KCNK3: variants seen among roughly 807,000 people sequenced by gnomAD.
KCNK3 encodes potassium channel subfamily K member 3.
Under a neutral mutation model 27.3 loss-of-function variants are expected in KCNK3, and 9 were observed. The observed-to-expected ratio is 0.33, with a 90% CI of 0.20 to 0.57. The LOEUF (loss-of-function observed/expected upper bound fraction) is 0.57. Among genes scored for constraint, KCNK3 ranks in the 20% least tolerant of loss-of-function variants. The probability of loss-of-function intolerance (pLI) is 0.87; values close to 1 mark genes in which losing one functional copy is unlikely to be tolerated. For missense variants in KCNK3, 391 were observed against 577.7 expected (o/e 0.68, Z 3.31); for synonymous variants, 278 against 273.8 (o/e 1.02, Z -0.15).
At chr2:26,703,394 G>A (rs181640777) in intron 1 of KCNK3, among the ~76,000 whole-genome samples, 67 of 152,234 alleles carry the variant, frequency 4.4e-4, no homozygotes, top group African/African-American at 1.6e-3. Flanking sequence ...CATCAAAAAG[G>A]CCATCACACC....
At chr2:26,710,393 G>A (rs534455324) in intron 1 of KCNK3, among the ~76,000 whole-genome samples, 1 of 152,314 alleles carries the variant, frequency 6.6e-6, no homozygotes, top group East Asian at 1.9e-4. Flanking sequence ...TTCTCGAGAA[G>A]GGTGCAGATG....
At chr2:26,715,605 G>A (rs1446221898) in intron 1 of KCNK3, among the ~76,000 whole-genome samples, 1 of 152,220 alleles carries the variant, frequency 6.6e-6, no homozygotes, top group Admixed American at 6.5e-5. Context: ...ATTCCCAAAT[G>A]TTCTGGCTTG....
chr2:26,720,112 G>A (rs753114341), intron 1 of KCNK3, among the ~76,000 whole-genome samples: 11 of 152,122 alleles, frequency 7.2e-5, no homozygotes, highest in Non-Finnish European at 1.3e-4. Flanking sequence ...AAAATTAGCC[G>A]GATGTGGTGG....
intron 1 of KCNK3, among the ~76,000 whole-genome samples, chr2:26,706,909 T>C (rs1485667784): frequency 6.6e-6 from 1 of 152,130 alleles, no homozygotes; most frequent in Non-Finnish European, 1.5e-5. Flanking sequence ...CCCCTGGCCT[T>C]GTCTGTGAGG....
intron 1 of KCNK3, among the ~76,000 whole-genome samples, chr2:26,712,676 T>A (rs1450026937): frequency 1.3e-5 from 2 of 151,538 alleles, no homozygotes; most frequent in Non-Finnish European, 2.9e-5. Flanking sequence ...AGTGTGTGTG[T>A]GTGTGTGTGT....
At chr2:26,713,889 C>A (rs1267175959) in intron 1 of KCNK3, among the ~76,000 whole-genome samples, 1 of 151,524 alleles carries the variant, frequency 6.6e-6, no homozygotes, top group Non-Finnish European at 1.5e-5. Context: ...CAGCCTGGCC[C>A]ACGTGGTGAA....
chr2:26,726,576 C>T lies in KCNK3; in HGVS notation c.284-1091C>T, dbSNP rs1030024290. Among the ~76,000 whole-genome samples the T allele has an allele frequency of 2.0e-5, 3 of 152,154 alleles. No homozygotes were observed. The East Asian group carries it at 5.8e-4, about 29-fold the overall frequency. On this transcript the variant is annotated intron_variant, in intron 1 of 1. Coordinates refer to ENST00000302909, the MANE Select transcript of KCNK3 (RefSeq NM_002246.3). ...AAAGAAGCAGGCCAGCACCAGTAAACACACTTTACAAATGAAGAAACATGT... is the reference window on the plus strand; with the variant it reads ...AAAGAAGCAGGCCAGCACCAGTAAATACACTTTACAAATGAAGAAACATGT...
Position 26,721,519 on chromosome 2 carries a change from T to C in KCNK3, c.284-6148T>C, listed in dbSNP as rs905948292. Among the ~76,000 whole-genome samples the C allele has an allele frequency of 1.3e-5, 2 of 152,100 alleles. No individual in the cohort carries two copies. The highest frequency in any genetic ancestry group is 4.8e-5 in the African/African-American group (2 of 41,430). On this transcript the variant is annotated intron_variant, in intron 1 of 1. Coordinates refer to ENST00000302909, the MANE Select transcript of KCNK3 (RefSeq NM_002246.3). The surrounding 1 kb of genome is among the most constrained non-coding windows in gnomAD (Gnocchi z 4.3). ...ACTTCCTGGTTCCACACTGCTGCCA[T>C]CCCCACAACTGAGGGGCGGCTCCAT...
chr2:26,699,315 C>A (rs1024882576), intron 1 of KCNK3, among the ~76,000 whole-genome samples: 1 of 152,112 alleles, frequency 6.6e-6, no homozygotes, highest in Non-Finnish European at 1.5e-5. Flanking sequence ...GGCCAGAGAT[C>A]TTTCTGACTG....
In KCNK3 at chr2:26,732,071, G is replaced by C. The variant is rs1663551812; in HGVS notation, c.*3503G>C. 1 of 152,224 alleles carries C rather than the reference G, an allele frequency of 6.6e-6. No homozygotes were observed. The highest frequency in any genetic ancestry group is 6.5e-5 in the Admixed American group (1 of 15,286). The allele number at this position is 152,224 out of a possible 1,614,324, so 9.4% of individuals were successfully genotyped here. A position where few individuals can be genotyped will look rare whatever the true frequency, so the allele number is the denominator to read the frequency against. ...TGGGGTAGATTTTTCTCTGGGTCTA[G>C]AGGGACAGCTCAGGCTTGGGACTGG... On this transcript the variant is annotated 3_prime_UTR_variant, in exon 2 of 2. Transcript: ENST00000302909.
intron 1 of KCNK3, among the ~76,000 whole-genome samples, chr2:26,708,640 T>C (rs1558598177): frequency 6.6e-6 from 1 of 152,176 alleles, no homozygotes; most frequent in Non-Finnish European, 1.5e-5. Flanking sequence ...GATCGCGCTA[T>C]TGTACTCCAG....
chr2:26,720,458 C>T (rs1663308201), intron 1 of KCNK3, among the ~76,000 whole-genome samples: 1 of 152,200 alleles, frequency 6.6e-6, no homozygotes, highest in Non-Finnish European at 1.5e-5. Context: ...CAGGCTGTGT[C>T]TGCAAACACT....
chr2:26,703,844 A>C (rs781477159), intron 1 of KCNK3, among the ~76,000 whole-genome samples: 16 of 152,210 alleles, frequency 1.1e-4, no homozygotes, highest in Non-Finnish European at 2.2e-4. Flanking sequence ...CAGGAGGTGA[A>C]GATCAGCAGC....
Position 26,728,941 on chromosome 2 carries a change from G to T in KCNK3, c.*373G>T, listed in dbSNP as rs977110284. On this transcript the variant is annotated 3_prime_UTR_variant, in exon 2 of 2. Transcript: ENST00000302909. ...GGGACTTCATGTTCCGTGTACGTTT[G>T]CATCTCTATTTATACCTCTGTCCTG... 6.4e-5 allele frequency: 13 copies of T among 203,846 alleles called. No individual in the cohort carries two copies. Among genetic ancestry groups the T allele is most frequent in the African/African-American group, 3.0e-4 (13 of 43,484 alleles). 12.6% of individuals were successfully genotyped at this position (203,846 alleles called of 1,614,324 possible). A position where few individuals can be genotyped will look rare whatever the true frequency, so the allele number is the denominator to read the frequency against.
chr2:26,697,465 A>G (rs2148254004), intron 1 of KCNK3, among the ~76,000 whole-genome samples: 1 of 152,240 alleles, frequency 6.6e-6, no homozygotes, highest in African/African-American at 2.4e-5. Context: ...AGATCGCACC[A>G]TTGCACTCCA....
intron 1 of KCNK3, among the ~76,000 whole-genome samples, chr2:26,713,147 A>C: frequency 6.6e-6 from 1 of 152,114 alleles, no homozygotes; most frequent in Non-Finnish European, 1.5e-5. Context: ...TACCTGGCAG[A>C]TGGTGGTGAG....
At chr2:26,713,501 C>T (rs1201561056) in intron 1 of KCNK3, among the ~76,000 whole-genome samples, 1 of 152,086 alleles carries the variant, frequency 6.6e-6, no homozygotes, top group South Asian at 2.1e-4. Context: ...GTATGTGGGC[C>T]GGACACGGTG....
rs1348639014 is a variant in KCNK3, at chr2:26,721,360, C to T, written c.284-6307C>T. 6.6e-6 allele frequency among the ~76,000 whole-genome samples: 1 copy of T among 152,092 alleles called. No homozygotes were observed. The highest frequency in any genetic ancestry group is 1.5e-5 in the Non-Finnish European group (1 of 67,994). ...CTCACAGGAGGAGGGAGAGCACCTG[C>T]GCCCTCCTCCCGTCTCCACCAAGCT... On this transcript the variant is annotated intron_variant, in intron 1 of 1. Coordinates refer to ENST00000302909, the MANE Select transcript of KCNK3 (RefSeq NM_002246.3). This position sits in a 1 kb window ranked among gnomAD's most constrained non-coding sequence, Gnocchi z 4.3.
At chr2:26,706,937 C>T (rs1670382280) in intron 1 of KCNK3, among the ~76,000 whole-genome samples, 1 of 152,158 alleles carries the variant, frequency 6.6e-6, no homozygotes, top group Non-Finnish European at 1.5e-5. Context: ...CTGGTGGCAC[C>T]TAAAGCCCTT....
Sources: allele counts gnomAD v4.1 joint callset (sites outside exome capture counted in the v4.1 genomes callset), GRCh38; gene constraint gnomAD v4.1.1; non-coding constraint Gnocchi (gnomAD v3.1); transcripts MANE v1.5; gene names NCBI Gene and HGNC (gene_info 2026-07-23, HGNC 2026-07-21).